YWHAE: variants seen among roughly 807,000 people sequenced by gnomAD.
The protein encoded by YWHAE is 14-3-3 protein epsilon.
YWHAE carries 4 observed loss-of-function variants against 30.1 expected under a neutral mutation model. The observed-to-expected ratio is 0.13, with a 90% CI of 0.07 to 0.30. YWHAE has a LOEUF of 0.30. Among genes scored for constraint, YWHAE ranks in the 10% least tolerant of loss-of-function variants. YWHAE has a pLI of 1.00. For synonymous variants in YWHAE, 118 were observed against 111.8 expected (o/e 1.06, Z -0.35); for missense variants, 121 against 315.9 (o/e 0.38, Z 4.68).
At chr17:1,376,849 T>G (rs186845146) in intron 1 of YWHAE, among the ~76,000 whole-genome samples, 3 of 151,660 alleles carry the variant, frequency 2.0e-5, no homozygotes, top group Non-Finnish European at 4.4e-5. Flanking sequence ...GAATCTGCCA[T>G]GGGAAAAACG....
At chr17:1,369,301 C>G (rs1469406545) in intron 1 of YWHAE, among the ~76,000 whole-genome samples, 1 of 152,130 alleles carries the variant, frequency 6.6e-6, no homozygotes. Context: ...CAAGAACAGC[C>G]TGGCCAACAT....
chr17:1,353,237 G>C (rs1242094663), intron 5 of YWHAE, among the ~76,000 whole-genome samples: 1 of 150,328 alleles, frequency 6.7e-6, no homozygotes, highest in African/African-American at 2.5e-5. Flanking sequence ...AGGAGATCGA[G>C]GCCAACCTGG....
At chr17:1,349,485 T>C (rs915965797) in intron 5 of YWHAE, among the ~76,000 whole-genome samples, 2 of 152,220 alleles carry the variant, frequency 1.3e-5, no homozygotes, top group Non-Finnish European at 2.9e-5. Context: ...AACTATTTCA[T>C]GACTGGAAGC....
chr17:1,373,682 A>C (rs1336270133), intron 1 of YWHAE, among the ~76,000 whole-genome samples: 1 of 151,978 alleles, frequency 6.6e-6, no homozygotes, highest in Non-Finnish European at 1.5e-5. Context: ...AAAAAAAAGA[A>C]AAGTTTGAAA....
chr17:1,369,331 T>TA (rs1384058528), intron 1 of YWHAE, among the ~76,000 whole-genome samples: 5 of 151,944 alleles, frequency 3.3e-5, no homozygotes, highest in African/African-American at 1.2e-4. Context: ...CCGTCTCTAC[T>TA]AAAAATACAA....
chr17:1,388,072 C>A lies in YWHAE; in HGVS notation c.64+11975G>T, dbSNP rs150001526. Among the ~76,000 whole-genome samples the A allele has an allele frequency of 1.8e-3, 256 of 142,552 alleles. 2 individuals carry two copies. Among genetic ancestry groups the A allele is most frequent in the African/African-American group, 6.4e-3 (242 of 37,772 alleles). The allele number at this position is 142,552 out of a possible 152,430, so 93.5% of individuals were successfully genotyped here. A position where few individuals can be genotyped will look rare whatever the true frequency, so the allele number is the denominator to read the frequency against. On this transcript the variant is annotated intron_variant, in intron 1 of 5. Coordinates refer to ENST00000264335, the MANE Select transcript of YWHAE (RefSeq NM_006761.5). ...TCCTGAGTAGCTGGGATTACAGGCA[C>A]GTGCCACCACCACGCCTGGGTAATT...
chr17:1,368,386 A>G (rs1027603641), intron 1 of YWHAE, among the ~76,000 whole-genome samples: 5 of 150,234 alleles, frequency 3.3e-5, no homozygotes, highest in African/African-American at 7.4e-5. Context: ...CAAAAAAAGG[A>G]AAAAAAAAGA....
chr17:1,365,094 T>C (rs1328187076), intron 1 of YWHAE, 36 bp from the exon 2 acceptor site: 5 of 1,595,384 alleles, frequency 3.1e-6, no homozygotes, highest in Non-Finnish European at 4.3e-6. Flanking sequence ...CCTTACAAAT[T>C]TGAAGTTTTC....
intron 1 of YWHAE, among the ~76,000 whole-genome samples, chr17:1,370,471 C>T (rs1344993708): frequency 6.6e-6 from 1 of 151,096 alleles, no homozygotes; most frequent in Non-Finnish European, 1.5e-5. Flanking sequence ...CAGTGTCTTG[C>T]TCTGTAGCCC....
At chr17:1,349,923 C>T (rs1157091450) in intron 5 of YWHAE, among the ~76,000 whole-genome samples, 1 of 149,886 alleles carries the variant, frequency 6.7e-6, no homozygotes, top group Admixed American at 6.7e-5. Flanking sequence ...CCGAATTTCA[C>T]TAGATTTTTA....
chr17:1,373,667 CAAAA>C (rs576768197), intron 1 of YWHAE, among the ~76,000 whole-genome samples: 1 of 129,282 alleles, frequency 7.7e-6, no homozygotes, highest in Non-Finnish European at 1.7e-5. Flanking sequence ...GACTTCATCT[CAAAA>C]AAAAAAAAGA....
intron 1 of YWHAE, among the ~76,000 whole-genome samples, chr17:1,397,706 G>C (rs2073495687): frequency 6.6e-6 from 1 of 151,994 alleles, no homozygotes. Flanking sequence ...GGAAAACTTT[G>C]CCACCAGAAA....
intron 1 of YWHAE, among the ~76,000 whole-genome samples, chr17:1,397,755 T>C (rs1411165214): frequency 6.6e-6 from 1 of 152,116 alleles, no homozygotes; most frequent in East Asian, 1.9e-4. Context: ...TGGACACAGG[T>C]AGAGGACACA....
chr17:1,384,943 A>C (rs2073277580), intron 1 of YWHAE, among the ~76,000 whole-genome samples: 1 of 151,936 alleles, frequency 6.6e-6, no homozygotes, highest in South Asian at 2.1e-4. Flanking sequence ...ACTCCCAACC[A>C]CAGATGATCT....
chr17:1,395,324 T>G (rs1168065320), intron 1 of YWHAE, among the ~76,000 whole-genome samples: 1 of 152,048 alleles, frequency 6.6e-6, no homozygotes, highest in Non-Finnish European at 1.5e-5. Flanking sequence ...GATCAGGAGA[T>G]AAAGACCATC....
chr17:1,367,086 T>A (rs7212572), intron 1 of YWHAE, among the ~76,000 whole-genome samples: 111,210 of 152,134 alleles, frequency 0.73, 41,940 homozygotes, highest in African/African-American at 0.91. Context: ...CTTCGAAAAA[T>A]ATTCGGCAAT....
Position 1,367,992 on chromosome 17 carries a change from T to C in YWHAE, c.65-2934A>G, listed in dbSNP as rs147587089. ...CATGTTGGGTGCTGTGGCTCACACC[T>C]GTCATCTTAGCACTTTGGGAGGCTG... On this transcript the variant is annotated intron_variant, in intron 1 of 5. Coordinates refer to ENST00000264335, the MANE Select transcript of YWHAE (RefSeq NM_006761.5). 3.9e-3 allele frequency among the ~76,000 whole-genome samples: 594 copies of C among 152,256 alleles called. 1 individual carries two copies. Among genetic ancestry groups the C allele is most frequent in the Non-Finnish European group, 6.1e-3 (415 of 68,026 alleles).
At chr17:1,396,686 C>T (rs548272441) in intron 1 of YWHAE, among the ~76,000 whole-genome samples, 10 of 152,270 alleles carry the variant, frequency 6.6e-5, no homozygotes, top group Admixed American at 6.5e-4. Context: ...AGTGCAATGG[C>T]GCAATCTCGG....
chr17:1,365,883 G>GA (rs1001345277), intron 1 of YWHAE, among the ~76,000 whole-genome samples: 5 of 152,098 alleles, frequency 3.3e-5, no homozygotes, highest in African/African-American at 1.2e-4. Flanking sequence ...TGAGGCAGGA[G>GA]AATCACTCGA....
Sources: allele counts gnomAD v4.1 joint callset (sites outside exome capture counted in the v4.1 genomes callset), GRCh38; gene constraint gnomAD v4.1.1; transcripts MANE v1.5; gene names NCBI Gene and HGNC (gene_info 2026-07-23, HGNC 2026-07-21).